Variants in SAMD5 observed in about 807,000 individuals in gnomAD.
SAMD5 encodes sterile alpha motif domain containing 5.
A neutral mutation model predicts 11.3 loss-of-function variants in SAMD5; 13 were observed. That is an observed-to-expected ratio of 1.15 (90% confidence interval 0.75 to 1.83). SAMD5 has a LOEUF of 1.83. SAMD5 is among the 40% of genes most tolerant of loss of function. SAMD5 has a pLI of 0.00. For missense variants in SAMD5, 255 were observed against 239.1 expected (o/e 1.07, Z -0.44); for synonymous variants, 129 against 111.3 (o/e 1.16, Z -1.00).
the SAMD5 span, among the ~76,000 whole-genome samples, chr6:147,744,789 T>G: frequency 1.3e-5 from 2 of 151,952 alleles, no homozygotes; most frequent in South Asian, 2.1e-4. Context: ...TCCCTGCTAC[T>G]TGGGAAGCTG....
At chr6:147,705,568 A>G (rs1386519988) in intron 1 of SAMD5, among the ~76,000 whole-genome samples, 1 of 152,186 alleles carries the variant, frequency 6.6e-6, no homozygotes, top group Non-Finnish European at 1.5e-5. Flanking sequence ...ATAGTAGGAG[A>G]ATTCTACTGT....
At chr6:147,725,686 G>A (rs1180231810) in intron 1 of SAMD5, among the ~76,000 whole-genome samples, 3 of 152,154 alleles carry the variant, frequency 2.0e-5, no homozygotes, top group Non-Finnish European at 4.4e-5. Flanking sequence ...ACTGTACCCA[G>A]CCTTACCTGT....
At chr6:147,727,801 C>G (rs180694592) in intron 1 of SAMD5, among the ~76,000 whole-genome samples, 5 of 152,098 alleles carry the variant, frequency 3.3e-5, no homozygotes, top group Admixed American at 3.3e-4. Flanking sequence ...CATCAGACAG[C>G]AATAAACTTA....
At chr6:147,739,277 C>A (rs947487776), downstream of SAMD5, among the ~76,000 whole-genome samples, 1 of 152,150 alleles carries the variant, frequency 6.6e-6, no homozygotes, top group African/African-American at 2.4e-5. Flanking sequence ...ATTTGAATAG[C>A]AACTGACTTA....
chr6:147,704,908 C>T (rs757355632), intron 1 of SAMD5, among the ~76,000 whole-genome samples: 27 of 152,178 alleles, frequency 1.8e-4, no homozygotes, highest in Non-Finnish European at 3.5e-4. Flanking sequence ...CCGTTAAACT[C>T]GAACTTGTCA....
At chr6:147,855,213 A>G in the SAMD5 span, among the ~76,000 whole-genome samples, 4 of 152,304 alleles carry the variant, frequency 2.6e-5, no homozygotes, top group African/African-American at 7.2e-5. Flanking sequence ...GACATAAAAT[A>G]GGGCTTTTGA....
At chr6:147,676,291 G>A (rs957904213) in intron 1 of SAMD5, 6 of 152,020 alleles carry the variant, frequency 3.9e-5, no homozygotes, top group African/African-American at 1.2e-4. Flanking sequence ...TCTGGACACC[G>A]AGATACTAGC....
chr6:147,606,235 C>T (rs1042347235), intron 1 of SAMD5, among the ~76,000 whole-genome samples: 9 of 152,112 alleles, frequency 5.9e-5, no homozygotes, highest in Non-Finnish European at 1.0e-4. Context: ...GGTGGGCACG[C>T]GTGGCTTTGG....
At chr6:147,915,999 G>A in the SAMD5 span, among the ~76,000 whole-genome samples, 1 of 150,272 alleles carries the variant, frequency 6.7e-6, no homozygotes, top group Admixed American at 6.7e-5. Context: ...AGAACATGCG[G>A]TGTTTGGTTT....
At chr6:147,721,247 A>G (rs1257923004) in intron 1 of SAMD5, among the ~76,000 whole-genome samples, 1 of 149,320 alleles carries the variant, frequency 6.7e-6, no homozygotes, top group Non-Finnish European at 1.5e-5. Context: ...TGGTATTTCT[A>G]GTTCTAGATC....
the SAMD5 span, among the ~76,000 whole-genome samples, chr6:147,913,061 T>C: frequency 6.6e-6 from 1 of 152,136 alleles, no homozygotes; most frequent in Admixed American, 6.5e-5. Flanking sequence ...ATCCTTTCAA[T>C]CCTGAGGTTA....
At chr6:147,836,002 T>C in the SAMD5 span, among the ~76,000 whole-genome samples, 4 of 152,230 alleles carry the variant, frequency 2.6e-5, no homozygotes, top group African/African-American at 7.2e-5. Context: ...ACCTCTTGAT[T>C]ACCTGTGTGA....
the SAMD5 span, among the ~76,000 whole-genome samples, chr6:147,912,130 C>CT: frequency 5.1e-3 from 743 of 146,176 alleles, 3 homozygotes; most frequent in African/African-American, 0.017. Flanking sequence ...GATTCTATTT[C>CT]TTTTTTTTTT....
chr6:147,846,605 A>G, the SAMD5 span, among the ~76,000 whole-genome samples: 1 of 152,180 alleles, frequency 6.6e-6, no homozygotes, highest in Non-Finnish European at 1.5e-5. Flanking sequence ...AGATCACTTG[A>G]GGTGAGGAGT....
chr6:147,921,146 G>C, the SAMD5 span, among the ~76,000 whole-genome samples: 1 of 152,298 alleles, frequency 6.6e-6, no homozygotes, highest in East Asian at 1.9e-4. Flanking sequence ...ACGGAACTGA[G>C]AGTTGAGAAA....
At chr6:147,511,499 T>A (rs192842430) in intron 1 of SAMD5, among the ~76,000 whole-genome samples, 2 of 152,358 alleles carry the variant, frequency 1.3e-5, no homozygotes, top group Admixed American at 6.5e-5. Flanking sequence ...ATAGCAATAA[T>A]GCTTGATAAC....
At chr6:147,524,977 T>C (rs1438795625) in intron 1 of SAMD5, among the ~76,000 whole-genome samples, 1 of 152,002 alleles carries the variant, frequency 6.6e-6, no homozygotes, top group Non-Finnish European at 1.5e-5. Context: ...CAAAGTCACA[T>C]AATTAGAAAA....
chr6:147,577,001 T>C (rs1789226229), intron 1 of SAMD5, among the ~76,000 whole-genome samples: 1 of 152,248 alleles, frequency 6.6e-6, no homozygotes, highest in African/African-American at 2.4e-5. Flanking sequence ...ACAATTTGAT[T>C]CTACCTGTTT....
intron 1 of SAMD5, among the ~76,000 whole-genome samples, chr6:147,601,764 G>T (rs1789618567): frequency 6.6e-6 from 1 of 152,190 alleles, no homozygotes; most frequent in African/African-American, 2.4e-5. Flanking sequence ...ACTAAAGGAT[G>T]AATCATGGTA....
Sources: allele counts gnomAD v4.1 joint callset (sites outside exome capture counted in the v4.1 genomes callset), GRCh38; gene constraint gnomAD v4.1.1; transcripts MANE v1.5; gene names NCBI Gene and HGNC (gene_info 2026-07-23, HGNC 2026-07-21).